Variants in MED4 observed in about 807,000 individuals in gnomAD.
The protein encoded by MED4 is mediator of RNA polymerase II transcription subunit 4.
MED4 carries 21 observed loss-of-function variants against 35.0 expected under a neutral mutation model. The ratio of observed to expected loss-of-function variants is 0.60; its 90% CI spans 0.43 to 0.86. MED4 has a LOEUF of 0.86. MED4 is among the 40% of genes least tolerant of loss of function. MED4 has a pLI of 0.00. For synonymous variants in MED4, 138 were observed against 114.0 expected (o/e 1.21, Z -1.34); for missense variants, 300 against 319.4 (o/e 0.94, Z 0.46).
At chr13:48,079,751 G>C (rs1450303209) in intron 6 of MED4, 93 bp downstream of exon 6, 1 of 1,442,226 alleles carries the variant, frequency 6.9e-7, no homozygotes, top group Non-Finnish European at 9.4e-7. Context: ...ATTGTGTCGG[G>C]AATCTCAAAC....
rs1950755344 is a variant in MED4 at position 48,075,920 on chromosome 13, T to C, written c.*1219A>G. 6.6e-6 allele frequency: 1 copy of C among 152,214 alleles called. No individual in the cohort carries two copies. Among genetic ancestry groups the C allele is most frequent in the Non-Finnish European group, 1.5e-5 (1 of 68,028 alleles). 9.4% of individuals were successfully genotyped at this position (152,214 alleles called of 1,614,324 possible). The stretch of plus-strand genomic sequence containing the variant: ...TAAGATTAATCTCCTATTTTCCAAT[T>C]TTTCTAGAGATCGAAAATAATCAAA... On this transcript the variant is annotated 3_prime_UTR_variant, in exon 7 of 7. Coordinates refer to ENST00000258648, the MANE Select transcript of MED4 (RefSeq NM_014166.4).
At chr13:48,079,814 G>C (rs1380962428) in intron 6 of MED4, 30 bp downstream of exon 6, 7 of 1,607,446 alleles carry the variant, frequency 4.4e-6, no homozygotes, top group Non-Finnish European at 6.0e-6. Context: ...ACCCTGATCT[G>C]TTTGAAAACA....
At chr13:48,079,668 A>T in intron 6 of MED4, 176 bp downstream of exon 6, 1 of 598,126 alleles carries the variant, frequency 1.7e-6, no homozygotes, top group East Asian at 3.6e-5. Context: ...TGAACCTGGG[A>T]GCCAAGATTT....
At chr13:48,081,233 G>A (rs1038662555) in intron 5 of MED4, among the ~76,000 whole-genome samples, 32 of 152,106 alleles carry the variant, frequency 2.1e-4, no homozygotes, top group African/African-American at 7.0e-4. Flanking sequence ...TGTTGGGTGC[G>A]TAGTGCTTTG....
intron 6 of MED4, among the ~76,000 whole-genome samples, chr13:48,079,264 A>G (rs1950786293): frequency 6.6e-6 from 1 of 152,206 alleles, no homozygotes; most frequent in Non-Finnish European, 1.5e-5. Flanking sequence ...TTTACATAGC[A>G]TGTTTCACAA....
Position 48,090,412 on chromosome 13 carries a change from A to G in MED4, c.132T>C (p.Leu44=). The change falls in exon 2 of 7, where the codon CTT becomes CTC. Residue 44 remains leucine, a synonymous_variant. Coordinates refer to ENST00000258648, the MANE Select transcript of MED4 (RefSeq NM_014166.4). ...LEDLEVLSRE[L]IEMLAISRNQ... ...TTCTTGAAATTGCCAGCATTTCTATAAGTTCCCTAAAAAAAAAAAACCAAC... is the reference window on the plus strand; with the variant it reads ...TTCTTGAAATTGCCAGCATTTCTATGAGTTCCCTAAAAAAAAAAAACCAAC... The G allele has an allele frequency of 6.3e-7, 1 of 1,594,134 alleles. No individual in the cohort carries two copies. The highest frequency in any genetic ancestry group is 1.2e-5 in the South Asian group (1 of 86,844).
intron 1 of MED4, among the ~76,000 whole-genome samples, chr13:48,091,175 T>G (rs1028799230): frequency 7.2e-5 from 11 of 152,206 alleles, no homozygotes; most frequent in African/African-American, 2.4e-4. Context: ...TTATTTGAAT[T>G]TTTTAAATTA....
At chr13:48,077,793 T>C (rs1950772209) in intron 6 of MED4, among the ~76,000 whole-genome samples, 1 of 152,192 alleles carries the variant, frequency 6.6e-6, no homozygotes, top group South Asian at 2.1e-4. Flanking sequence ...TTTTAGCAAC[T>C]GGGGACTTTT....
intron 2 of MED4, among the ~76,000 whole-genome samples, chr13:48,087,078 A>T (rs575286771): frequency 6.6e-6 from 1 of 151,942 alleles, no homozygotes; most frequent in Non-Finnish European, 1.5e-5. Flanking sequence ...TTAAAAATAC[A>T]ATATAGGCCA....
At chr13:48,078,980 T>C (rs1950783498) in intron 6 of MED4, among the ~76,000 whole-genome samples, 1 of 152,170 alleles carries the variant, frequency 6.6e-6, no homozygotes, top group Non-Finnish European at 1.5e-5. Flanking sequence ...CTTTTTTAAA[T>C]GCCTTTTTCT....
At position 48,092,717 on chromosome 13, in the gene MED4, T is replaced by C. The variant is rs867827180; in HGVS notation, c.125+2237A>G. ...GGATCAACAGCGTATGAAAACAGCA[T>C]GTTAAGTAAACTTTTTAGTGTACGC... On this transcript the variant is annotated intron_variant, in intron 1 of 6. Coordinates refer to ENST00000258648, the MANE Select transcript of MED4 (RefSeq NM_014166.4). Among the ~76,000 whole-genome samples the C allele has an allele frequency of 3.3e-5, 5 of 152,218 alleles. No individual in the cohort carries two copies. In the East Asian group the frequency reaches 9.6e-4, roughly 29 times the overall value.
chr13:48,091,538 A>G (rs1157008259), intron 1 of MED4, among the ~76,000 whole-genome samples: 1 of 152,136 alleles, frequency 6.6e-6, no homozygotes, highest in Non-Finnish European at 1.5e-5. Context: ...ATTAGACCCA[A>G]CCCTTCCCAC....
chr13:48,088,066 C>T (rs1384017827), intron 2 of MED4, among the ~76,000 whole-genome samples: 1 of 152,120 alleles, frequency 6.6e-6, no homozygotes, highest in Non-Finnish European at 1.5e-5. Context: ...TTAATAGTAG[C>T]CATTACATGA....
chr13:48,092,741 G>A (rs553146721), intron 1 of MED4, among the ~76,000 whole-genome samples: 27 of 152,282 alleles, frequency 1.8e-4, no homozygotes, highest in African/African-American at 6.3e-4. Flanking sequence ...TTTAGTGTAC[G>A]CCACAAGTGA....
chr13:48,085,106 TG>T (rs1208279879), intron 3 of MED4, among the ~76,000 whole-genome samples: 3 of 151,666 alleles, frequency 2.0e-5, no homozygotes, highest in African/African-American at 7.3e-5. Context: ...CGACCTCAGG[TG>T]ATCTGCCCAC....
chr13:48,076,167 AC>A lies in MED4; in HGVS notation c.*971del, dbSNP rs1461594528. On this transcript the variant is annotated 3_prime_UTR_variant, in exon 7 of 7. Coordinates refer to ENST00000258648, the MANE Select transcript of MED4 (RefSeq NM_014166.4). ...CTTTACTGTATTCACTAAATGTTTC[AC>A]ATTAAATGTTGTATTACCTTTGAAA... 6.6e-6 allele frequency: 1 copy of A among 152,208 alleles called. No homozygotes were observed. Among genetic ancestry groups the A allele is most frequent in the African/African-American group, 2.4e-5 (1 of 41,464 alleles). 9.4% of individuals were successfully genotyped at this position (152,208 alleles called of 1,614,324 possible). A position where few individuals can be genotyped will look rare whatever the true frequency, so the allele number is the denominator to read the frequency against.
Position 48,086,117 on chromosome 13 carries a change from G to A in MED4, c.363+165C>T, listed in dbSNP as rs968298619. Among the ~76,000 whole-genome samples the A allele has an allele frequency of 2.6e-5, 4 of 152,284 alleles. No individual in the cohort carries two copies. The South Asian group carries it at 8.3e-4, about 32-fold the overall frequency. On this transcript the variant is annotated intron_variant, in intron 3 of 6. Coordinates refer to ENST00000258648, the MANE Select transcript of MED4 (RefSeq NM_014166.4). ...GAAAACAGTAAGTAAAAAAGAGAAT[G>A]ACAATAGCCTTTCATTTAACCACTG... is the stretch of plus-strand genomic sequence containing the variant.
chr13:48,078,912 A>G (rs79929488), intron 6 of MED4, among the ~76,000 whole-genome samples: 6,800 of 152,306 alleles, frequency 0.045, 183 homozygotes, highest in Middle Eastern at 0.068. Flanking sequence ...TATAGGGGAA[A>G]AAAGGAAACA....
chr13:48,079,364 G>A (rs183451485), intron 6 of MED4, among the ~76,000 whole-genome samples: 42 of 152,290 alleles, frequency 2.8e-4, no homozygotes, highest in Middle Eastern at 6.8e-3. Flanking sequence ...TAAGAGAAAG[G>A]CAGCTTGTTC....
Sources: allele counts gnomAD v4.1 joint callset (sites outside exome capture counted in the v4.1 genomes callset), GRCh38; gene constraint gnomAD v4.1.1; transcripts MANE v1.5; gene names NCBI Gene and HGNC (gene_info 2026-07-23, HGNC 2026-07-21).